Variants in LRRC4B observed in about 807,000 individuals in gnomAD.
LRRC4B encodes leucine rich repeat containing 4B.
A neutral mutation model predicts 7.3 loss-of-function variants in LRRC4B; 1 was observed. That is an observed-to-expected ratio of 0.14 (90% confidence interval 0.05 to 0.65). LRRC4B has a LOEUF of 0.65. LRRC4B is among the 30% of genes least tolerant of loss of function. The pLI, the probability that LRRC4B is intolerant of heterozygous loss-of-function variation, is 0.84. For missense variants in LRRC4B, 730 were observed against 1,041.6 expected, an observed-to-expected ratio of 0.70 and a Z score of 4.12; for synonymous variants, 500 against 499.2, an observed-to-expected ratio of 1.00 and a Z score of -0.02.
At chr19:50,550,071 G>A (rs1981989516) in intron 1 of LRRC4B, among the ~76,000 whole-genome samples, 2 of 152,202 alleles carry the variant, frequency 1.3e-5, no homozygotes, top group Non-Finnish European at 1.5e-5. Flanking sequence ...CACTGGGTGA[G>A]CCCTTGCAAT....
chr19:50,549,343 G>A (rs567414050), intron 1 of LRRC4B, among the ~76,000 whole-genome samples: 4 of 152,260 alleles, frequency 2.6e-5, no homozygotes, highest in East Asian at 1.9e-4. Context: ...CCCAACACCC[G>A]CCCGGTCCCC....
intron 2 of LRRC4B, among the ~76,000 whole-genome samples, chr19:50,526,300 C>T (rs1304065038): frequency 6.6e-6 from 1 of 152,184 alleles, no homozygotes; most frequent in African/African-American, 2.4e-5. Context: ...CACACTCTTG[C>T]CTCTGGCCTT....
At position 50,548,527 on chromosome 19, in the gene LRRC4B, G is replaced by T; in HGVS notation, c.297+15C>A. 6.3e-7 allele frequency: 1 copy of T among 1,582,460 alleles called. No homozygotes were observed. Among genetic ancestry groups the T allele is most frequent in the Non-Finnish European group, 8.5e-7 (1 of 1,171,576 alleles). ...TCCCCTCCAAGGTCCCCCTCTGCCC[G>T]CTGGCCCCGCATACCTGGATGCCGT... On this transcript the variant is annotated intron_variant, in intron 2 of 2. Transcript: ENST00000652263. The surrounding 1 kb of genome is among the most constrained non-coding windows in gnomAD (Gnocchi z 6.8).
At chr19:50,520,241 AAAAAAAGAAGAAAAGAAAAG>A (rs1980511861) in intron 2 of LRRC4B, among the ~76,000 whole-genome samples, 1 of 62,120 alleles carries the variant, frequency 1.6e-5, no homozygotes, top group Non-Finnish European at 2.9e-5. Context: ...AAAAAAAAAA[AAAAAAAGAAGAAAAGAAAAG>A]AAAAATGAAC....
intron 2 of LRRC4B, among the ~76,000 whole-genome samples, chr19:50,527,931 C>A (rs981821613): frequency 9.9e-5 from 15 of 151,146 alleles, no homozygotes; most frequent in Non-Finnish European, 1.8e-4. Context: ...TTAGTAGAGA[C>A]GGGGTTTCAC....
chr19:50,552,967 G>A (rs1046277675), intron 1 of LRRC4B, among the ~76,000 whole-genome samples: 1 of 152,198 alleles, frequency 6.6e-6, no homozygotes, highest in South Asian at 2.1e-4. Flanking sequence ...GTGTAACCTC[G>A]GGCCGGTGGC....
At chr19:50,530,931 G>GC (rs372324742) in intron 2 of LRRC4B, among the ~76,000 whole-genome samples, 17 of 132,456 alleles carry the variant, frequency 1.3e-4, no homozygotes, top group African/African-American at 5.2e-4. Context: ...AGAAACCTGG[G>GC]GGGGGGGGGT....
intron 2 of LRRC4B, among the ~76,000 whole-genome samples, chr19:50,530,986 G>C (rs2387414): frequency 0.64 from 96,813 of 150,466 alleles, 31,880 homozygotes; most frequent in African/African-American, 0.75. Context: ...GACCTCAGGT[G>C]ATCCACCTGC....
At position 50,565,491 on chromosome 19, in the gene LRRC4B, G is replaced by A. The variant is rs1982597788; in HGVS notation, c.-36+2453C>T. The stretch of plus-strand genomic sequence containing the variant: ...ACTGGGCCTCTCTGGTTCCATATCG[G>A]GGTCTCTGGCTGCCAGTGAATGACT... On this transcript the variant is annotated intron_variant, in intron 1 of 2. Coordinates refer to ENST00000652263, the MANE Select transcript of LRRC4B (RefSeq NM_001080457.2). Among the ~76,000 whole-genome samples the A allele has an allele frequency of 2.0e-5, 3 of 152,006 alleles. No homozygotes were observed. In the South Asian group the frequency reaches 6.2e-4, roughly 32 times the overall value.
intron 2 of LRRC4B, among the ~76,000 whole-genome samples, chr19:50,545,194 G>A (rs1453654527): frequency 2.0e-5 from 3 of 151,082 alleles, no homozygotes; most frequent in African/African-American, 7.3e-5. Flanking sequence ...GATCATCTGA[G>A]GTCGGGAGTT....
At position 50,568,263 on chromosome 19, in the gene LRRC4B, G is replaced by GCTTCCTTCCTTCCAGC. The variant is rs1378739366; in HGVS notation, c.-371_-356dup. Among the ~76,000 whole-genome samples, 1 of 151,370 alleles carries GCTTCCTTCCTTCCAGC rather than the reference G, an allele frequency of 6.6e-6. No individual in the cohort carries two copies. Among genetic ancestry groups the GCTTCCTTCCTTCCAGC allele is most frequent in the Admixed American group, 6.6e-5 (1 of 15,208 alleles). On this transcript the variant is annotated 5_prime_UTR_variant, in exon 1 of 3. Transcript: ENST00000652263. ...CCTTTCTTTCCTTCTTTCTTTCCTG[G>GCTTCCTTCCTTCCAGC]CTTCCTTCCTTCCAGCCTTCCTTCC...
rs886691021 is a variant in LRRC4B at position 50,556,040 on chromosome 19, G to T, written c.-35-7167C>A. Among the ~76,000 whole-genome samples the T allele has an allele frequency of 3.9e-5, 6 of 152,150 alleles. No homozygotes were observed. Among genetic ancestry groups the T allele is most frequent in the Non-Finnish European group, 7.4e-5 (5 of 68,026 alleles). On this transcript the variant is annotated intron_variant, in intron 1 of 2. Coordinates refer to ENST00000652263, the MANE Select transcript of LRRC4B (RefSeq NM_001080457.2). The surrounding 1 kb of genome is among the most constrained non-coding windows in gnomAD (Gnocchi z 4.2). ...GCGCTGGCGTTCTGAGCCAATCCATGTCCTGAATGCTTTCAAAATAAAAGC... is the reference window on the plus strand; with the variant it reads ...GCGCTGGCGTTCTGAGCCAATCCATTTCCTGAATGCTTTCAAAATAAAAGC...
At chr19:50,524,542 C>G (rs112574234) in intron 2 of LRRC4B, among the ~76,000 whole-genome samples, 17,782 of 152,186 alleles carry the variant, frequency 0.12, 1,238 homozygotes, top group South Asian at 0.15. Flanking sequence ...GTGTGAGCCA[C>G]CACACCCAGC....
At chr19:50,538,784 GT>G (rs1981410212) in intron 2 of LRRC4B, among the ~76,000 whole-genome samples, 1 of 151,678 alleles carries the variant, frequency 6.6e-6, no homozygotes, top group Admixed American at 6.6e-5. Flanking sequence ...GCCCAGGCTG[GT>G]TTCAAACTCC....
chr19:50,542,778 GA>G (rs1265961560), intron 2 of LRRC4B, among the ~76,000 whole-genome samples: 1 of 151,944 alleles, frequency 6.6e-6, no homozygotes, highest in Non-Finnish European at 1.5e-5. Flanking sequence ...GCCTGGCCAT[GA>G]TATTTTAAAA....
intron 1 of LRRC4B, among the ~76,000 whole-genome samples, chr19:50,560,538 A>G (rs1020717790): frequency 6.6e-6 from 1 of 152,260 alleles, no homozygotes; most frequent in African/African-American, 2.4e-5. Flanking sequence ...AACTTATTCC[A>G]GGATCCAGAA....
intron 2 of LRRC4B, among the ~76,000 whole-genome samples, chr19:50,546,099 C>A (rs1981793702): frequency 6.6e-6 from 1 of 151,854 alleles, no homozygotes; most frequent in African/African-American, 2.4e-5. Context: ...CTTTGGGAGG[C>A]CGAGGCGGGT....
intron 2 of LRRC4B, among the ~76,000 whole-genome samples, chr19:50,546,198 G>A (rs1351369653): frequency 2.6e-5 from 4 of 152,040 alleles, no homozygotes; most frequent in African/African-American, 9.7e-5. Context: ...TGCTGAGCGT[G>A]GCAGCAGGCG....
intron 2 of LRRC4B, among the ~76,000 whole-genome samples, chr19:50,525,444 T>G (rs1980765652): frequency 6.6e-6 from 1 of 151,396 alleles, no homozygotes. Context: ...TTGCTCTTGT[T>G]GCCTAGGCTG....
Sources: allele counts gnomAD v4.1 joint callset (sites outside exome capture counted in the v4.1 genomes callset), GRCh38; gene constraint gnomAD v4.1.1; non-coding constraint Gnocchi (gnomAD v3.1); transcripts MANE v1.5; gene names NCBI Gene and HGNC (gene_info 2026-07-23, HGNC 2026-07-21).